Variants in SMG7 observed in about 807,000 individuals in gnomAD.
SMG7 encodes the protein SMG7 nonsense mediated mRNA decay factor, also known as nonsense-mediated mRNA decay factor SMG7.
SMG7 carries 34 observed loss-of-function variants against 148.2 expected under a neutral mutation model. The observed-to-expected ratio is 0.23, with a 90% CI of 0.17 to 0.31. The LOEUF (loss-of-function observed/expected upper bound fraction) is 0.31. Among genes scored for constraint, SMG7 ranks in the 10% least tolerant of loss-of-function variants. The pLI is 1.00. For synonymous variants in SMG7, 492 were observed against 515.1 expected (o/e 0.96, Z 0.61); for missense variants, 1,114 against 1,408.4 (o/e 0.79, Z 3.35).
rs200604003 is a variant in SMG7, at chr1:183,542,326, G to C, written c.1666G>C (p.Val556Leu). 3.1e-6 allele frequency: 5 copies of C among 1,613,974 alleles called. No homozygotes were observed. Among genetic ancestry groups the C allele is most frequent in the Admixed American group, 3.3e-5 (2 of 59,992 alleles). Reference sequence around the variant, plus strand: ...CAAAGAAAACATTAAGACACGAGAAGTGAACAGAGACCAAGGAAGAAGTTT... The same window carrying C: ...CAAAGAAAACATTAAGACACGAGAACTGAACAGAGACCAAGGAAGAAGTTT... ...TFKENIKTRE[V>L]NRDQGRSFPP... Residue 556 changes from valine to leucine, a missense_variant, in exon 14 of 23, where the codon GTG (valine) becomes CTG (leucine). Val to Leu is a conservative substitution (Grantham distance 32). Coordinates refer to ENST00000688051, the MANE Select transcript of SMG7 (RefSeq NM_001375584.1).
At chr1:183,486,556 G>A (rs1349904178) in intron 1 of SMG7, among the ~76,000 whole-genome samples, 3 of 152,114 alleles carry the variant, frequency 2.0e-5, no homozygotes, top group African/African-American at 7.2e-5. Context: ...GATTACAGGC[G>A]CCCGCCACCA....
At chr1:183,508,502 T>A (rs1661447003) in intron 1 of SMG7, among the ~76,000 whole-genome samples, 1 of 152,234 alleles carries the variant, frequency 6.6e-6, no homozygotes. Flanking sequence ...TATTTTTTTC[T>A]TTATAAAGTA....
At chr1:183,541,136 A>C (rs1293285798) in intron 13 of SMG7, 33 bp downstream of exon 13, 1 of 1,604,700 alleles carries the variant, frequency 6.2e-7, no homozygotes, top group Admixed American at 1.7e-5. Context: ...ACCCCTTTTT[A>C]ACCACCTTTT....
chr1:183,514,216 CAAAAAA>C (rs36125833), intron 2 of SMG7, among the ~76,000 whole-genome samples: 4 of 99,134 alleles, frequency 4.0e-5, no homozygotes, highest in East Asian at 2.7e-4. Flanking sequence ...GTGAAATTCA[CAAAAAA>C]AAAAAAAAAA....
At chr1:183,509,217 C>T (rs1044918975) in intron 1 of SMG7, among the ~76,000 whole-genome samples, 2 of 152,130 alleles carry the variant, frequency 1.3e-5, no homozygotes, top group African/African-American at 4.8e-5. Flanking sequence ...AAGCCGACCA[C>T]GGCATTCGAG....
chr1:183,532,059 A>G (rs1666968833), intron 8 of SMG7, among the ~76,000 whole-genome samples: 1 of 152,194 alleles, frequency 6.6e-6, no homozygotes, highest in African/African-American at 2.4e-5. Flanking sequence ...GTAGAATGGA[A>G]TTATATTCTC....
At chr1:183,505,720 C>CT (rs1286047858) in intron 1 of SMG7, among the ~76,000 whole-genome samples, 1 of 152,226 alleles carries the variant, frequency 6.6e-6, no homozygotes, top group African/African-American at 2.4e-5. Flanking sequence ...GCCCTGAACA[C>CT]TATCTTTTTT....
chr1:183,553,106 A>G lies in SMG7; in HGVS notation c.*1175A>G. The G allele has an allele frequency of 6.5e-7, 1 of 1,536,314 alleles. No individual in the cohort carries two copies. Among genetic ancestry groups the G allele is most frequent in the African/African-American group, 1.4e-5 (1 of 73,188 alleles). On this transcript the variant is annotated 3_prime_UTR_variant, in exon 23 of 23. Coordinates refer to ENST00000688051, the MANE Select transcript of SMG7 (RefSeq NM_001375584.1). ...CTGCAGTCTCCCAGCCTCCACTTTCAGAGTGAAATTCAAGGCAGCACGGAC... is the reference window on the plus strand; with the variant it reads ...CTGCAGTCTCCCAGCCTCCACTTTCGGAGTGAAATTCAAGGCAGCACGGAC...
At chr1:183,504,828 A>G (rs1465495355) in intron 1 of SMG7, among the ~76,000 whole-genome samples, 2 of 152,030 alleles carry the variant, frequency 1.3e-5, no homozygotes, top group African/African-American at 4.8e-5. Flanking sequence ...ACAGCTGTAA[A>G]TTCTCTTGAC....
At chr1:183,477,628 GTGTATATATGCATATA>G in intron 1 of SMG7, among the ~76,000 whole-genome samples, 1 of 125,954 alleles carries the variant, frequency 7.9e-6, no homozygotes. Context: ...GTGTGCATAT[GTGTATATATGCATATA>G]TACGTGTGTG....
rs775544041 is a variant in SMG7 at position 183,528,017 on chromosome 1, C to G, written c.546C>G (p.Val182=). ...ACTATAGGCATGCAGCTCAGCTTGT[C>G]CCCTCCAATGGTGAGTGGACCTGTC... ...ESYYRHAAQL[V]PSNGQPYNQL... The change falls in exon 6 of 23, where the codon GTC becomes GTG. Residue 182 remains valine (V), a synonymous_variant. Transcript: ENST00000688051. The G allele has an allele frequency of 2.5e-6, 4 of 1,612,508 alleles. No individual in the cohort carries two copies. Among genetic ancestry groups the G allele is most frequent in the Non-Finnish European group, 3.4e-6 (4 of 1,178,798 alleles).
intron 1 of SMG7, chr1:183,502,130 G>T: frequency 1.7e-6 from 1 of 578,070 alleles, no homozygotes. Context: ...AAAGAAAAAG[G>T]CTTTGACATT....
intron 14 of SMG7, 148 bp from the exon 15 acceptor site, chr1:183,544,205 C>A: frequency 1.7e-6 from 1 of 584,358 alleles, no homozygotes. Flanking sequence ...CTTTGATTTT[C>A]CATTTTTAAC....
In SMG7 at chr1:183,494,756, C is replaced by CTTT. The variant is rs141159130; in HGVS notation, c.30-18055_30-18053dup. Among the ~76,000 whole-genome samples the CTTT allele has an allele frequency of 2.1e-3, 32 of 15,278 alleles. 13 individuals are homozygous for CTTT. The highest frequency in any genetic ancestry group is 3.1e-3 in the Non-Finnish European group (24 of 7,678). The allele number at this position is 15,278 out of a possible 152,430, so 10.0% of individuals were successfully genotyped here. On this transcript the variant is annotated intron_variant, in intron 1 of 22. Transcript: ENST00000688051. ...GATAAGAACTTAGCTAGCCCTTGTT[C>CTTT]TTTTTTTTTTTTTTTTTTTTTTTTT... is the stretch of plus-strand genomic sequence containing the variant.
chr1:183,502,668 A>C (rs756917011), intron 1 of SMG7, among the ~76,000 whole-genome samples: 12 of 152,118 alleles, frequency 7.9e-5, no homozygotes, highest in Non-Finnish European at 1.3e-4. Context: ...GTTTTATATG[A>C]GGTCTCTGAA....
At chr1:183,530,898 CTAAG>C (rs1666735816) in intron 8 of SMG7, among the ~76,000 whole-genome samples, 2 of 152,052 alleles carry the variant, frequency 1.3e-5, no homozygotes, top group South Asian at 2.1e-4. Flanking sequence ...TCTTCACTAA[CTAAG>C]TTATTCTAGT....
At chr1:183,483,432 A>G (rs193147648) in intron 1 of SMG7, among the ~76,000 whole-genome samples, 1 of 152,310 alleles carries the variant, frequency 6.6e-6, no homozygotes, top group Non-Finnish European at 1.5e-5. Context: ...TCAAAGGAAA[A>G]TGCAACTGGA....
rs541176544 is a variant in SMG7, at chr1:183,546,438, C to T, written c.2742+101C>T. The stretch of plus-strand genomic sequence containing the variant: ...ATCTTATAAAAAGGCCACTCTTATT[C>T]GTTAGTACTATAGAATGCCACTGAG... On this transcript the variant is annotated intron_variant, in intron 17 of 22. Transcript: ENST00000688051. 51 of 1,253,024 alleles carry T rather than the reference C, an allele frequency of 4.1e-5. No homozygotes were observed. In the African/African-American group the frequency reaches 5.1e-4, roughly 13 times the overall value. 77.6% of individuals were successfully genotyped at this position (1,253,024 alleles called of 1,614,324 possible). A position where few individuals can be genotyped will look rare whatever the true frequency, so the allele number is the denominator to read the frequency against.
chr1:183,503,880 T>G (rs1023189480), intron 1 of SMG7, among the ~76,000 whole-genome samples: 7 of 152,356 alleles, frequency 4.6e-5, no homozygotes, highest in Admixed American at 2.0e-4. Flanking sequence ...ATTACTAATT[T>G]GTAGGAAAGC....
Sources: allele counts gnomAD v4.1 joint callset (sites outside exome capture counted in the v4.1 genomes callset), GRCh38; gene constraint gnomAD v4.1.1; transcripts MANE v1.5; gene names NCBI Gene and HGNC (gene_info 2026-07-23, HGNC 2026-07-21).